Variants in PCDHGA4 observed in about 807,000 individuals in gnomAD.
The protein encoded by PCDHGA4 is protocadherin gamma subfamily A, 4, also known as protocadherin gamma-A4.
A neutral mutation model predicts 54.6 loss-of-function variants in PCDHGA4; 38 were observed. The observed-to-expected ratio is 0.70, with a 90% CI of 0.54 to 0.91. PCDHGA4 has a LOEUF of 0.91. Among genes scored for constraint, PCDHGA4 ranks in the 40% least tolerant of loss-of-function variants. The probability of loss-of-function intolerance (pLI) is 0.00; values close to 1 mark genes in which losing one functional copy is unlikely to be tolerated. For synonymous variants in PCDHGA4, 511 were observed against 512.9 expected (o/e 1.00, Z 0.05); for missense variants, 1,298 against 1,220.9 (o/e 1.06, Z -0.94).
chr5:141,492,846 A>G (rs1404624093), intron 1 of PCDHGA4, among the ~76,000 whole-genome samples: 1 of 152,184 alleles, frequency 6.6e-6, no homozygotes, highest in African/African-American at 2.4e-5. Flanking sequence ...AGGAAGTGAA[A>G]GCCTCGAGCG....
In PCDHGA4 at chr5:141,490,113, C is replaced by G. The variant is rs2099696295; in HGVS notation, c.2515-4694C>G. Reference sequence around the variant, plus strand: ...ACCACACATCTGAGGCAGTGCGGAACCTCTTTGGCCTAGACCCTAGCAGTG... The same window carrying G: ...ACCACACATCTGAGGCAGTGCGGAAGCTCTTTGGCCTAGACCCTAGCAGTG... On this transcript the variant is annotated intron_variant, in intron 1 of 3. Transcript: ENST00000571252. This position sits in a 1 kb window ranked among gnomAD's most constrained non-coding sequence, Gnocchi z 5.4. 1 of 1,614,258 alleles carries G rather than the reference C, an allele frequency of 6.2e-7. No individual in the cohort carries two copies.
chr5:141,357,123 G>A lies in PCDHGA4; in HGVS notation c.2016G>A (p.Arg672=). 2 of 1,613,670 alleles carry A rather than the reference G, an allele frequency of 1.2e-6. No individual in the cohort carries two copies. The highest frequency in any genetic ancestry group is 1.7e-6 in the Non-Finnish European group (2 of 1,179,910). Residue 672 remains arginine (R), a synonymous_variant, in exon 1 of 4, where the codon AGG becomes AGA. Coordinates refer to ENST00000571252, the MANE Select transcript of PCDHGA4 (RefSeq NM_018917.4). The part of the protein sequence containing the change: ...ALLDRDALKQ[R]LVVVVQDHGQ... ...TGGACAGAGACGCGCTCAAGCAGAG[G>A]CTTGTAGTGGTCGTCCAGGACCATG...
chr5:141,459,503 A>T (rs1346447458), intron 1 of PCDHGA4, among the ~76,000 whole-genome samples: 1 of 152,242 alleles, frequency 6.6e-6, no homozygotes, highest in Non-Finnish European at 1.5e-5. Flanking sequence ...AGTGATGTGA[A>T]CAATCATGTA....
At position 141,393,662 on chromosome 5, in the gene PCDHGA4, A is replaced by T. The variant is rs1442061423; in HGVS notation, c.2514+36041A>T. The T allele has an allele frequency of 8.7e-6, 14 of 1,613,816 alleles. No individual in the cohort carries two copies. In the Admixed American group the frequency reaches 2.3e-4, roughly 27 times the overall value. On this transcript the variant is annotated intron_variant, in intron 1 of 3. Transcript: ENST00000571252. ...GAAAAGTGGCATACAAATTCCGGAAAATTAATGAAAAACAAACTCCGTTAT... is the reference window on the plus strand; with the variant it reads ...GAAAAGTGGCATACAAATTCCGGAATATTAATGAAAAACAAACTCCGTTAT...
intron 1 of PCDHGA4, chr5:141,478,531 C>T (rs771145308): frequency 1.9e-6 from 3 of 1,608,190 alleles, no homozygotes; most frequent in Non-Finnish European, 2.5e-6. Flanking sequence ...GTGCAGAGAG[C>T]GCCCCTCCCG....
Position 141,423,964 on chromosome 5 carries a change from A to G in PCDHGA4, c.2514+66343A>G, listed in dbSNP as rs569611136. On this transcript the variant is annotated intron_variant, in intron 1 of 3. Coordinates refer to ENST00000571252, the MANE Select transcript of PCDHGA4 (RefSeq NM_018917.4). ...AGTTGAATTTTAGTATTATTTTTCT[A>G]TTATCAGTGTATGAGGCTCTCAATT... The G allele has an allele frequency of 5.2e-5, 61 of 1,163,648 alleles. 2 individuals carry two copies. In the South Asian group the frequency reaches 1.7e-3, roughly 32 times the overall value. 72.1% of individuals were successfully genotyped at this position (1,163,648 alleles called of 1,614,324 possible).
At chr5:141,365,637 G>A in intron 1 of PCDHGA4, 1 of 1,613,458 alleles carries the variant, frequency 6.2e-7, no homozygotes. Context: ...TCTACAGAAA[G>A]CCACATCCCC....
At chr5:141,464,470 C>T (rs1175806879) in intron 1 of PCDHGA4, among the ~76,000 whole-genome samples, 3 of 151,194 alleles carry the variant, frequency 2.0e-5, no homozygotes, top group Non-Finnish European at 2.9e-5. Flanking sequence ...GAAGTATGTA[C>T]GTATAATAAA....
At chr5:141,506,805 G>A (rs1314432893) in intron 3 of PCDHGA4, among the ~76,000 whole-genome samples, 1 of 152,172 alleles carries the variant, frequency 6.6e-6, no homozygotes, top group African/African-American at 2.4e-5. Flanking sequence ...GAGGATCAAG[G>A]CATTGCCCTA....
intron 1 of PCDHGA4, among the ~76,000 whole-genome samples, chr5:141,443,772 C>T (rs1284723564): frequency 6.6e-6 from 1 of 151,568 alleles, no homozygotes; most frequent in Non-Finnish European, 1.5e-5. Context: ...TACAATATTA[C>T]CAAAAAGACA....
Position 141,491,077 on chromosome 5 carries a change from T to TAGGA in PCDHGA4, c.2515-3730_2515-3729insAGGA, listed in dbSNP as rs752090443. 1.2e-6 allele frequency: 2 copies of TAGGA among 1,614,166 alleles called. No homozygotes were observed. Among genetic ancestry groups the TAGGA allele is most frequent in the Admixed American group, 3.3e-5 (2 of 60,014 alleles). On this transcript the variant is annotated intron_variant, in intron 1 of 3. Transcript: ENST00000571252. This position sits in a 1 kb window ranked among gnomAD's most constrained non-coding sequence, Gnocchi z 6.9. The stretch of plus-strand genomic sequence containing the variant: ...GCTCTCCTACTCACTGTTGCCACAG[T>TAGGA]CCACAGCCCCAGGACTGTTCCTCGT...
At chr5:141,430,729 G>T in intron 1 of PCDHGA4, 1 of 1,499,360 alleles carries the variant, frequency 6.7e-7, no homozygotes, top group East Asian at 2.3e-5. Flanking sequence ...GTTAAGGGCA[G>T]AATTGAAAAT....
At position 141,371,400 on chromosome 5, in the gene PCDHGA4, G is replaced by C. The variant is rs201084970; in HGVS notation, c.2514+13779G>C. 5.8e-5 allele frequency: 93 copies of C among 1,613,894 alleles called. No individual in the cohort carries two copies. Among genetic ancestry groups the C allele is most frequent in the African/African-American group, 2.7e-5 (2 of 74,938 alleles). Reference sequence around the variant, plus strand: ...CACTGCATATTGTAAAGTACAGATAGATATTTCAGATGAAAATGACAATGC... The same window carrying C: ...CACTGCATATTGTAAAGTACAGATACATATTTCAGATGAAAATGACAATGC... On this transcript the variant is annotated intron_variant, in intron 1 of 3. Transcript: ENST00000571252.
chr5:141,375,944 C>G (rs1365248346), intron 1 of PCDHGA4: 6 of 1,613,500 alleles, frequency 3.7e-6, no homozygotes, highest in Non-Finnish European at 5.1e-6. Flanking sequence ...CTCAGTGGGC[C>G]TGCACACGGG....
At chr5:141,414,489 G>C (rs754325517) in intron 1 of PCDHGA4, 2 of 1,613,872 alleles carry the variant, frequency 1.2e-6, no homozygotes, top group South Asian at 2.2e-5. Context: ...CTCTATCAAC[G>C]GAAGCTCACT....
At chr5:141,371,681 T>A (rs529874051) in intron 1 of PCDHGA4, 27 of 1,613,832 alleles carry the variant, frequency 1.7e-5, no homozygotes, top group Non-Finnish European at 2.0e-5. Flanking sequence ...ACAAAGGCAA[T>A]CCACCGCTCT....
rs2099748179 is a variant in PCDHGA4 at position 141,493,421 on chromosome 5, T to G, written c.2515-1386T>G. Among the ~76,000 whole-genome samples the G allele has an allele frequency of 6.6e-6, 1 of 152,182 alleles. No individual in the cohort carries two copies. Among genetic ancestry groups the G allele is most frequent in the South Asian group, 2.1e-4 (1 of 4,830 alleles). On this transcript the variant is annotated intron_variant, in intron 1 of 3. Coordinates refer to ENST00000571252, the MANE Select transcript of PCDHGA4 (RefSeq NM_018917.4). The surrounding 1 kb of genome is among the most constrained non-coding windows in gnomAD (Gnocchi z 4.3). Reference sequence around the variant, plus strand: ...GGAGTTGCCTCTGCTGGGATTTTGCTTCTGCTGGGATGGGGCAAGGGTGGG... The same window carrying G: ...GGAGTTGCCTCTGCTGGGATTTTGCGTCTGCTGGGATGGGGCAAGGGTGGG...
At chr5:141,374,199 T>C in intron 1 of PCDHGA4, 2 of 1,613,856 alleles carry the variant, frequency 1.2e-6, no homozygotes, top group Non-Finnish European at 1.7e-6. Flanking sequence ...CCCGAGGAGC[T>C]GGAGAAAGGC....
At chr5:141,384,163 C>T in intron 1 of PCDHGA4, 1 of 1,613,658 alleles carries the variant, frequency 6.2e-7, no homozygotes, top group Non-Finnish European at 8.5e-7. Context: ...TAACATCACA[C>T]TGAAAGCCAC....
Sources: allele counts gnomAD v4.1 joint callset (sites outside exome capture counted in the v4.1 genomes callset), GRCh38; gene constraint gnomAD v4.1.1; non-coding constraint Gnocchi (gnomAD v3.1); transcripts MANE v1.5; gene names NCBI Gene and HGNC (gene_info 2026-07-23, HGNC 2026-07-21).